PABIR2: variants seen among roughly 807,000 people sequenced by gnomAD.
The protein encoded by PABIR2 is PABIR family member 2.
Under a neutral mutation model 22.8 loss-of-function variants are expected in PABIR2, and 7 were observed. That is an observed-to-expected ratio of 0.31 (90% CI 0.17 to 0.58). The LOEUF is 0.58. Among genes scored for constraint, PABIR2 ranks in the 20% least tolerant of loss-of-function variants. PABIR2 has a pLI of 0.89. For missense variants in PABIR2, 155 were observed against 205.1 expected, an observed-to-expected ratio of 0.76 and a Z score of 1.49; for synonymous variants, 67 against 73.8, an observed-to-expected ratio of 0.91 and a Z score of 0.47.
Position 134,771,609 on chromosome X carries a change from G to C in PABIR2, c.*530C>G. On this transcript the variant is annotated 3_prime_UTR_variant, in exon 10 of 10. Transcript: ENST00000343004. ...GGCATAAGCGGCTCAAACAGGAAAG[G>C]GAAACAAAATAATGTACTTGAAGCT... is the stretch of plus-strand genomic sequence containing the variant. The C allele has an allele frequency of 1.1e-6, 1 of 877,839 alleles. No homozygotes were observed. 72.3% of individuals were successfully genotyped at this position (877,839 alleles called of 1,213,427 possible).
At chrX:134,789,039 A>G (rs778683975) in intron 5 of PABIR2, 46 bp downstream of exon 5, 3 of 1,202,700 alleles carry the variant, frequency 2.5e-6, no homozygotes, top group Non-Finnish European at 3.4e-6. Flanking sequence ...GAACAACATA[A>G]AAGTTTCTAG....
intron 9 of PABIR2, among the ~76,000 whole-genome samples, chrX:134,775,350 C>G (rs2078942361): frequency 9.2e-6 from 1 of 109,009 alleles, no homozygotes; most frequent in Non-Finnish European, 1.9e-5. Flanking sequence ...AACCCCGTCT[C>G]TACTAAAAAT....
intron 9 of PABIR2, among the ~76,000 whole-genome samples, chrX:134,781,527 A>G (rs1199966873): frequency 8.9e-6 from 1 of 112,055 alleles, no homozygotes; most frequent in African/African-American, 3.2e-5. Context: ...CTGGATTCCT[A>G]GAGAATGCCA....
At chrX:134,788,691 G>A in intron 6 of PABIR2, 39 bp downstream of exon 6, 1 of 1,129,518 alleles carries the variant, frequency 8.9e-7, no homozygotes, top group Non-Finnish European at 1.2e-6. Context: ...AAACAGCTCA[G>A]TTTGTGAAAT....
At chrX:134,795,697 T>G (rs767924451) in intron 1 of PABIR2, among the ~76,000 whole-genome samples, 11 of 112,389 alleles carry the variant, frequency 9.8e-5, no homozygotes, top group Non-Finnish European at 1.7e-4. Flanking sequence ...TTTATTAAAG[T>G]AAACATCTGT....
intron 8 of PABIR2, among the ~76,000 whole-genome samples, chrX:134,784,476 A>G (rs1014235732): frequency 2.8e-5 from 3 of 107,986 alleles, no homozygotes; most frequent in African/African-American, 1.0e-4. Flanking sequence ...CAAAAAAAAC[A>G]AACAAAAACC....
chrX:134,771,663 T>G lies in PABIR2; in HGVS notation c.*476A>C. ...GCAGAAAAATAAAAATTTAATATAA[T>G]TAAAAGCAATTTATATATCATCATG... On this transcript the variant is annotated 3_prime_UTR_variant, in exon 10 of 10. Coordinates refer to ENST00000343004, the MANE Select transcript of PABIR2 (RefSeq NM_001387468.1). 1 of 788,520 alleles carries G rather than the reference T, an allele frequency of 1.3e-6. No individual in the cohort carries two copies. Among genetic ancestry groups the G allele is most frequent in the Non-Finnish European group, 1.5e-6 (1 of 657,248 alleles). The allele number at this position is 788,520 out of a possible 1,213,427, so 65.0% of individuals were successfully genotyped here. A position where few individuals can be genotyped will look rare whatever the true frequency, so the allele number is the denominator to read the frequency against.
At chrX:134,794,103 T>C in intron 1 of PABIR2, 1 of 653,712 alleles carries the variant, frequency 1.5e-6, no homozygotes, top group Non-Finnish European at 1.8e-6. Flanking sequence ...GCAGAGATAC[T>C]GATCTCAGTG....
chrX:134,782,367 T>C (rs925466350), intron 8 of PABIR2, among the ~76,000 whole-genome samples: 1 of 112,317 alleles, frequency 8.9e-6, no homozygotes, highest in African/African-American at 3.2e-5. Flanking sequence ...TGATAAGTAG[T>C]GTATAAGTAA....
chrX:134,778,211 T>C (rs1603002062), intron 9 of PABIR2, among the ~76,000 whole-genome samples: 1 of 98,151 alleles, frequency 1.0e-5, no homozygotes, highest in African/African-American at 3.7e-5. Flanking sequence ...AGTTTTTATA[T>C]AAAAAAAATC....
chrX:134,771,658 T>C lies in PABIR2; in HGVS notation c.*481A>G. ...CTGATGCAGAAAAATAAAAATTTAA[T>C]ATAATTAAAAGCAATTTATATATCA... On this transcript the variant is annotated 3_prime_UTR_variant, in exon 10 of 10. Coordinates refer to ENST00000343004, the MANE Select transcript of PABIR2 (RefSeq NM_001387468.1). The C allele has an allele frequency of 1.2e-6, 1 of 800,121 alleles. No individual in the cohort carries two copies. Among genetic ancestry groups the C allele is most frequent in the African/African-American group, 2.2e-5 (1 of 45,791 alleles). The allele number at this position is 800,121 out of a possible 1,213,427, so 65.9% of individuals were successfully genotyped here. A position where few individuals can be genotyped will look rare whatever the true frequency, so the allele number is the denominator to read the frequency against.
chrX:134,769,816 C>T lies in PABIR2; in HGVS notation c.*2323G>A, dbSNP rs2078811903. The T allele has an allele frequency of 1.8e-5, 2 of 111,832 alleles. No homozygotes were observed. 9.2% of individuals were successfully genotyped at this position (111,832 alleles called of 1,213,427 possible). A position where few individuals can be genotyped will look rare whatever the true frequency, so the allele number is the denominator to read the frequency against. ...AGAGAATTTTACTTTATAACAATCG[C>T]TTTTCAAATATTAGACTTTATATAA... On this transcript the variant is annotated 3_prime_UTR_variant, in exon 10 of 10. Transcript: ENST00000343004.
intron 9 of PABIR2, 77 bp downstream of exon 9, chrX:134,781,744 C>G: frequency 1.6e-6 from 1 of 633,818 alleles, no homozygotes; most frequent in Non-Finnish European, 2.2e-6. Context: ...TTTAAATTAT[C>G]CCAATATACT....
chrX:134,793,764 A>G, intron 2 of PABIR2, 51 bp downstream of exon 2: 1 of 1,118,905 alleles, frequency 8.9e-7, no homozygotes, highest in Non-Finnish European at 1.2e-6. Flanking sequence ...ACTCCATTTC[A>G]AAGTATTTTC....
chrX:134,787,563 A>G (rs2079368405), intron 6 of PABIR2, 30 bp from the exon 7 acceptor site: 1 of 1,148,185 alleles, frequency 8.7e-7, no homozygotes, highest in Non-Finnish European at 1.2e-6. Context: ...CATTACTAGA[A>G]AAAACATATT....
intron 9 of PABIR2, among the ~76,000 whole-genome samples, chrX:134,773,507 G>A (rs370654630): frequency 2.4e-4 from 27 of 111,010 alleles, no homozygotes; most frequent in Admixed American, 1.9e-3. Context: ...AACCTAATTC[G>A]GAGGAATGAG....
intron 3 of PABIR2, 24 bp from the exon 4 acceptor site, chrX:134,789,290 A>G (rs891839913): frequency 8.3e-7 from 1 of 1,210,338 alleles, no homozygotes; most frequent in Admixed American, 2.2e-5. Flanking sequence ...CATATATGCT[A>G]AAAAGGCAGG....
Position 134,771,242 on chromosome X carries a change from G to C in PABIR2, c.*897C>G, listed in dbSNP as rs1352611667. The C allele has an allele frequency of 8.0e-6, 9 of 1,120,923 alleles. No individual in the cohort carries two copies. Among genetic ancestry groups the C allele is most frequent in the African/African-American group, 1.8e-5 (1 of 54,186 alleles). The allele number at this position is 1,120,923 out of a possible 1,213,427, so 92.4% of individuals were successfully genotyped here. ...CATAATACCACTCGAGACACTGACA[G>C]CTCCATGGACGCTTTTGTACACAGT... On this transcript the variant is annotated 3_prime_UTR_variant, in exon 10 of 10. Coordinates refer to ENST00000343004, the MANE Select transcript of PABIR2 (RefSeq NM_001387468.1).
chrX:134,773,839 T>A (rs1239543925), intron 9 of PABIR2, among the ~76,000 whole-genome samples: 1 of 111,755 alleles, frequency 8.9e-6, no homozygotes, highest in East Asian at 2.8e-4. Flanking sequence ...TTTATCTGAA[T>A]GTCCAAGTTA....
Sources: allele counts gnomAD v4.1 joint callset (sites outside exome capture counted in the v4.1 genomes callset), GRCh38; gene constraint gnomAD v4.1.1; transcripts MANE v1.5; gene names NCBI Gene and HGNC (gene_info 2026-07-23, HGNC 2026-07-21).